Variants in CHCHD6 observed in about 807,000 individuals in gnomAD.
The protein encoded by CHCHD6 is MICOS complex subunit MIC25.
CHCHD6 carries 28 observed loss-of-function variants against 32.3 expected under a neutral mutation model. That is an observed-to-expected ratio of 0.87 (90% confidence interval 0.64 to 1.19). The LOEUF (loss-of-function observed/expected upper bound fraction) is 1.19. Among genes scored for constraint, CHCHD6 ranks in the 50% most tolerant of loss-of-function variants. The pLI is 0.00. For synonymous variants in CHCHD6, 122 were observed against 117.5 expected (o/e 1.04, Z -0.25); for missense variants, 333 against 307.0 (o/e 1.08, Z -0.63).
chr3:126,935,653 A>T (rs1419311041), intron 6 of CHCHD6, among the ~76,000 whole-genome samples: 3 of 152,236 alleles, frequency 2.0e-5, no homozygotes, highest in Non-Finnish European at 4.4e-5. Flanking sequence ...GTCTGTTTGA[A>T]GATATAAAGG....
chr3:126,831,474 G>A (rs1163524537), intron 4 of CHCHD6, among the ~76,000 whole-genome samples: 4 of 152,176 alleles, frequency 2.6e-5, no homozygotes, highest in Non-Finnish European at 2.9e-5. Context: ...TCTCCTCGAT[G>A]TAAGTGATGA....
chr3:126,885,378 CG>C (rs1559903032), intron 5 of CHCHD6, among the ~76,000 whole-genome samples: 1 of 152,172 alleles, frequency 6.6e-6, no homozygotes, highest in African/African-American at 2.4e-5. Flanking sequence ...GGCCCAACTC[CG>C]CTTTCTTCCA....
chr3:126,912,617 G>A (rs1356184057), intron 5 of CHCHD6, among the ~76,000 whole-genome samples: 6 of 152,242 alleles, frequency 3.9e-5, no homozygotes, highest in South Asian at 4.1e-4. Context: ...AAGCTCACCA[G>A]GCAGTGGAGG....
At chr3:126,909,293 G>A (rs1396927239) in intron 5 of CHCHD6, among the ~76,000 whole-genome samples, 1 of 152,166 alleles carries the variant, frequency 6.6e-6, no homozygotes, top group South Asian at 2.1e-4. Flanking sequence ...TAGTTATGGG[G>A]GTTCCCCTCA....
At chr3:126,863,654 C>T (rs1942070464) in intron 5 of CHCHD6, among the ~76,000 whole-genome samples, 1 of 137,056 alleles carries the variant, frequency 7.3e-6, no homozygotes, top group Admixed American at 7.0e-5. Flanking sequence ...ATCACCACCT[C>T]CCCCTCCTCC....
At chr3:126,939,850 C>T (rs936936933) in intron 6 of CHCHD6, among the ~76,000 whole-genome samples, 3 of 152,224 alleles carry the variant, frequency 2.0e-5, no homozygotes, top group African/African-American at 7.2e-5. Context: ...CTACAATATA[C>T]AGGCATTCCT....
chr3:126,709,321 A>G (rs940571547), intron 1 of CHCHD6, among the ~76,000 whole-genome samples: 2 of 152,116 alleles, frequency 1.3e-5, no homozygotes, highest in Non-Finnish European at 2.9e-5. Flanking sequence ...CATCCTTTTT[A>G]TTGCTGAATG....
At chr3:126,800,391 C>T (rs866015799) in intron 4 of CHCHD6, among the ~76,000 whole-genome samples, 44 of 152,214 alleles carry the variant, frequency 2.9e-4, no homozygotes, top group Middle Eastern at 3.4e-3. Flanking sequence ...ATTGAGAAAT[C>T]CAGAGACAGC....
chr3:126,778,612 T>C (rs1264959157), intron 4 of CHCHD6, among the ~76,000 whole-genome samples: 2 of 152,252 alleles, frequency 1.3e-5, no homozygotes, highest in Non-Finnish European at 2.9e-5. Flanking sequence ...ATTGGATTAT[T>C]TGTCTTTTTG....
At chr3:126,945,745 G>A (rs1314933116) in intron 6 of CHCHD6, among the ~76,000 whole-genome samples, 3 of 150,096 alleles carry the variant, frequency 2.0e-5, no homozygotes, top group Non-Finnish European at 3.0e-5. Context: ...GGAGACTCGG[G>A]GGGAGACTTG....
intron 5 of CHCHD6, among the ~76,000 whole-genome samples, chr3:126,863,686 T>A (rs1323887677): frequency 7.2e-5 from 8 of 111,060 alleles, no homozygotes; most frequent in Middle Eastern, 6.7e-3. Flanking sequence ...CTCCTCCTCC[T>A]CCACCATCAC....
At chr3:126,871,298 A>G (rs1376962991) in intron 5 of CHCHD6, among the ~76,000 whole-genome samples, 1 of 152,160 alleles carries the variant, frequency 6.6e-6, no homozygotes, top group Admixed American at 6.5e-5. Context: ...ATTTTCCAAA[A>G]GGATCAGCGT....
chr3:126,884,245 C>T (rs961570023), intron 5 of CHCHD6, among the ~76,000 whole-genome samples: 2 of 152,166 alleles, frequency 1.3e-5, no homozygotes, highest in African/African-American at 4.8e-5. Flanking sequence ...GTGCCCATCA[C>T]AGGCGAATTC....
At chr3:126,732,983 C>G (rs1559810892) in intron 3 of CHCHD6, 95 bp from the exon 4 acceptor site, 12 of 1,393,804 alleles carry the variant, frequency 8.6e-6, no homozygotes, top group Non-Finnish European at 1.2e-5. Context: ...TCAGCATTTC[C>G]CTGGTGGCTG....
At chr3:126,723,745 G>T (rs919848476) in intron 1 of CHCHD6, among the ~76,000 whole-genome samples, 2 of 152,056 alleles carry the variant, frequency 1.3e-5, no homozygotes, top group African/African-American at 4.8e-5. Context: ...ATTTCCTCCG[G>T]TGTCACAGTG....
intron 5 of CHCHD6, among the ~76,000 whole-genome samples, chr3:126,868,353 C>T (rs1942361536): frequency 6.6e-6 from 1 of 152,076 alleles, no homozygotes; most frequent in Non-Finnish European, 1.5e-5. Context: ...GAGCCAGGCC[C>T]TCTCAATCTT....
chr3:126,857,944 A>G (rs921088950), intron 5 of CHCHD6, among the ~76,000 whole-genome samples: 4 of 138,282 alleles, frequency 2.9e-5, no homozygotes, highest in Admixed American at 1.5e-4. Flanking sequence ...AGCATTCTGC[A>G]TGTGCCCCCA....
chr3:126,887,631 C>T (rs2077696449), intron 5 of CHCHD6, among the ~76,000 whole-genome samples: 1 of 152,166 alleles, frequency 6.6e-6, no homozygotes, highest in Non-Finnish European at 1.5e-5. Flanking sequence ...TGACTCGGGC[C>T]TCCTATTCCC....
rs147544309 is a variant in CHCHD6 at position 126,811,075 on chromosome 3, T to A, written c.412-41572T>A. On this transcript the variant is annotated intron_variant, in intron 4 of 7. Transcript: ENST00000290913. ...AAGAGGACTTAGGATAGAGCTCTAATGAATACCAAAAATATTGGGGAAAAG... is the reference window on the plus strand; with the variant it reads ...AAGAGGACTTAGGATAGAGCTCTAAAGAATACCAAAAATATTGGGGAAAAG... Among the ~76,000 whole-genome samples, 262 of 152,318 alleles carry A rather than the reference T, an allele frequency of 1.7e-3. 1 individual carries two copies. Among genetic ancestry groups the A allele is most frequent in the African/African-American group, 6.1e-3 (252 of 41,580 alleles).
Sources: gnomAD v4.1 joint callset for allele counts (sites outside exome capture counted in the v4.1 genomes callset) on GRCh38, gnomAD v4.1.1 for gene constraint, MANE v1.5 for transcripts, NCBI Gene and HGNC (gene_info 2026-07-23, HGNC 2026-07-21) for gene names.